Variants in MORC1 observed in about 807,000 individuals in gnomAD.
MORC1 encodes the protein MORC family CW-type zinc finger protein 1.
A neutral mutation model predicts 134.9 loss-of-function variants in MORC1; 59 were observed. The ratio of observed to expected loss-of-function variants is 0.44; its 90% CI spans 0.35 to 0.54. The LOEUF (loss-of-function observed/expected upper bound fraction) is 0.54, where lower values mean the gene tolerates loss of function less well. MORC1 is among the 20% of genes least tolerant of loss of function. The pLI is 0.00. For missense variants in MORC1, 947 were observed against 1,134.5 expected, an observed-to-expected ratio of 0.83 and a Z score of 2.37; for synonymous variants, 395 against 391.7, an observed-to-expected ratio of 1.01 and a Z score of -0.10.
At chr3:109,111,457 T>C (rs1323347525) in intron 2 of MORC1, among the ~76,000 whole-genome samples, 2 of 152,238 alleles carry the variant, frequency 1.3e-5, no homozygotes, top group Non-Finnish European at 2.9e-5. Flanking sequence ...TGCTGACTCC[T>C]CTTCTAGGTG....
chr3:109,031,008 G>A (rs1160788642), intron 16 of MORC1, among the ~76,000 whole-genome samples: 1 of 152,130 alleles, frequency 6.6e-6, no homozygotes. Flanking sequence ...TTTAAAGAGA[G>A]ACAGAATTAA....
chr3:109,007,391 CTT>C (rs1948566424), intron 17 of MORC1, among the ~76,000 whole-genome samples: 2 of 152,158 alleles, frequency 1.3e-5, no homozygotes, highest in Admixed American at 1.3e-4. Context: ...GCCCTTGTCT[CTT>C]TTCTCTCAAG....
At chr3:108,986,518 CTGT>C (rs1228993736) in intron 22 of MORC1, among the ~76,000 whole-genome samples, 1 of 152,076 alleles carries the variant, frequency 6.6e-6, no homozygotes. Flanking sequence ...AAAACGGGGA[CTGT>C]CATCATCATA....
intron 2 of MORC1, among the ~76,000 whole-genome samples, chr3:109,114,095 T>A (rs772696216): frequency 6.6e-6 from 1 of 152,224 alleles, no homozygotes; most frequent in Non-Finnish European, 1.5e-5. Flanking sequence ...TCAAGACAAG[T>A]ATACACTGAC....
intron 26 of MORC1, among the ~76,000 whole-genome samples, chr3:108,969,151 C>CA (rs1271214032): frequency 1.3e-5 from 2 of 151,968 alleles, no homozygotes; most frequent in African/African-American, 4.8e-5. Context: ...TAAGGAAATA[C>CA]ATAAAAATAT....
chr3:109,075,634 C>A (rs1481308245), intron 8 of MORC1, among the ~76,000 whole-genome samples: 1 of 152,014 alleles, frequency 6.6e-6, no homozygotes, highest in Non-Finnish European at 1.5e-5. Context: ...TTCCTGAGGC[C>A]TCTGTTCTGT....
chr3:109,107,756 A>T (rs1277438691), intron 3 of MORC1, among the ~76,000 whole-genome samples: 3 of 152,232 alleles, frequency 2.0e-5, no homozygotes, highest in Non-Finnish European at 2.9e-5. Context: ...TTTTTTAAGA[A>T]AATCAGTTTG....
intron 17 of MORC1, among the ~76,000 whole-genome samples, chr3:109,023,219 C>G (rs905578637): frequency 3.9e-5 from 6 of 152,154 alleles, no homozygotes; most frequent in African/African-American, 1.2e-4. Context: ...CCTGCAGAGC[C>G]ACATGGAAGT....
rs145567621 is a variant in MORC1, at chr3:109,005,089, T to C, written c.1994A>G (p.Lys665Arg). 1.6e-5 allele frequency: 26 copies of C among 1,611,102 alleles called. No individual in the cohort carries two copies. The African/African-American group carries it at 3.5e-4, about 22-fold the overall frequency. ...RIPVALPENVKLAERSQRSQI... is the reference protein window; with the variant it reads ...RIPVALPENVRLAERSQRSQI... ...TAATACCTGGGATCTCTCAGCTAGT[T>C]TGACATTTTCTGGCAGAGCTACTGG... Residue 665 changes from lysine (K) to arginine (R), a missense_variant, in exon 19 of 28, where the codon AAA (lysine) becomes AGA (arginine). Physicochemically the swap from Lys to Arg is conservative, Grantham distance 26. Coordinates refer to ENST00000232603, the MANE Select transcript of MORC1 (RefSeq NM_014429.4).
chr3:109,078,966 T>C (rs1398384716), intron 8 of MORC1, among the ~76,000 whole-genome samples: 1 of 151,902 alleles, frequency 6.6e-6, no homozygotes, highest in Non-Finnish European at 1.5e-5. Flanking sequence ...AATAACAGTC[T>C]TAGCACCATT....
At chr3:109,064,584 GA>G (rs34427045) in intron 9 of MORC1, among the ~76,000 whole-genome samples, 18,110 of 148,648 alleles carry the variant, frequency 0.12, 1,152 homozygotes, top group Non-Finnish European at 0.14. Context: ...AATTTAAGTT[GA>G]AAAAAAAACA....
At chr3:109,023,455 T>C (rs1237201054) in intron 17 of MORC1, among the ~76,000 whole-genome samples, 1 of 152,220 alleles carries the variant, frequency 6.6e-6, no homozygotes, top group Non-Finnish European at 1.5e-5. Flanking sequence ...GCAAATACAC[T>C]ACTCATTAAC....
chr3:109,094,992 TC>T lies in MORC1; in HGVS notation c.499del (p.Glu167AsnfsTer4). The T allele has an allele frequency of 6.3e-7, 1 of 1,594,550 alleles. No individual in the cohort carries two copies. The highest frequency in any genetic ancestry group is 1.4e-5 in the African/African-American group (1 of 73,958). On this transcript the variant is annotated frameshift_variant, in exon 7 of 28. Transcript: ENST00000232603. LOFTEE classifies it high-confidence loss of function. ...GGAGTATTTATAAATTATAGATAATTCCATTGCAAATTTCTGGGGATCATCT... is the reference window on the plus strand; with the variant it reads ...GGAGTATTTATAAATTATAGATAATTCATTGCAAATTTCTGGGGATCATCT... ...VTDDPQKFAMELSIIYKYSPF... is the reference protein window; with the variant it reads ...VTDDPQKFAMXLSIIYKYSPF...
At chr3:109,053,107 A>T (rs1277201127) in intron 14 of MORC1, among the ~76,000 whole-genome samples, 4 of 136,654 alleles carry the variant, frequency 2.9e-5, no homozygotes, top group Non-Finnish European at 4.8e-5. Context: ...GTTATAAAGT[A>T]AAAAAAAAAA....
intron 7 of MORC1, 116 bp downstream of exon 7, chr3:109,094,793 T>C (rs975268407): frequency 2.0e-5 from 19 of 965,626 alleles, no homozygotes; most frequent in South Asian, 2.3e-5. Flanking sequence ...CTGTCCCCAG[T>C]GTGAATCCAC....
At chr3:109,070,197 A>ATGTT (rs1256295948) in intron 8 of MORC1, among the ~76,000 whole-genome samples, 1 of 152,204 alleles carries the variant, frequency 6.6e-6, no homozygotes, top group Non-Finnish European at 1.5e-5. Flanking sequence ...TACAGTAAAA[A>ATGTT]TGTTTCATTT....
At chr3:109,039,109 C>A (rs991368139) in intron 14 of MORC1, among the ~76,000 whole-genome samples, 1 of 151,982 alleles carries the variant, frequency 6.6e-6, no homozygotes, top group African/African-American at 2.4e-5. Context: ...TAGAGATGGA[C>A]TTCACCATGT....
chr3:108,963,865 G>A (rs1275577347), intron 26 of MORC1, among the ~76,000 whole-genome samples: 2 of 152,196 alleles, frequency 1.3e-5, no homozygotes, highest in African/African-American at 4.8e-5. Flanking sequence ...CAGTGAGCTT[G>A]GAGACCTTTG....
intron 8 of MORC1, among the ~76,000 whole-genome samples, chr3:109,071,322 T>C (rs556341893): frequency 5.5e-4 from 83 of 152,220 alleles, no homozygotes; most frequent in African/African-American, 1.9e-3. Flanking sequence ...AACATATATA[T>C]ACACACACAC....
Sources: allele counts gnomAD v4.1 joint callset (sites outside exome capture counted in the v4.1 genomes callset), GRCh38; gene constraint gnomAD v4.1.1; transcripts MANE v1.5; gene names NCBI Gene and HGNC (gene_info 2026-07-23, HGNC 2026-07-21).